Variants in SKIC3 observed in about 807,000 individuals in gnomAD.
SKIC3 encodes the protein superkiller complex protein 3.
At chr5:95,493,028 T>G in the SKIC3 span, among the ~76,000 whole-genome samples, 16 of 152,306 alleles carry the variant, frequency 1.1e-4, no homozygotes, top group East Asian at 3.1e-3. Context: ...AAAGATAACT[T>G]TTAGTATCAC....
the SKIC3 span, among the ~76,000 whole-genome samples, chr5:95,540,307 A>G: frequency 6.6e-6 from 1 of 152,232 alleles, no homozygotes; most frequent in African/African-American, 2.4e-5. Flanking sequence ...GACTTCGGGG[A>G]CTTGGGGGAA....
At chr5:95,517,309 G>A in the SKIC3 span, 4 of 1,612,864 alleles carry the variant, frequency 2.5e-6, no homozygotes, top group Non-Finnish European at 3.4e-6. Context: ...ACATCAGCTC[G>A]ATGCTGTAGA....
chr5:95,546,170 A>G, the SKIC3 span, among the ~76,000 whole-genome samples: 1 of 151,872 alleles, frequency 6.6e-6, no homozygotes, highest in African/African-American at 2.4e-5. Context: ...CTCCATCCAT[A>G]CTTGAACCCC....
chr5:95,541,775 A>G, the SKIC3 span: 5 of 1,408,980 alleles, frequency 3.5e-6, no homozygotes, highest in Non-Finnish European at 4.0e-6. Context: ...TTAAAATTCA[A>G]GCTTTGAAAG....
the SKIC3 span, chr5:95,524,442 T>C: frequency 6.2e-7 from 1 of 1,612,022 alleles, no homozygotes. Context: ...CAACTAGGAA[T>C]TGAATTGTAG....
At chr5:95,520,003 T>C in the SKIC3 span, among the ~76,000 whole-genome samples, 1 of 151,938 alleles carries the variant, frequency 6.6e-6, no homozygotes, top group Non-Finnish European at 1.5e-5. Flanking sequence ...GAAAAGCAAT[T>C]CTGGAACAAC....
the SKIC3 span, among the ~76,000 whole-genome samples, chr5:95,511,466 T>C: frequency 6.6e-6 from 1 of 152,158 alleles, no homozygotes; most frequent in African/African-American, 2.4e-5. Flanking sequence ...TGCCTTCACA[T>C]GCCACACCCA....
At chr5:95,487,681 G>T in the SKIC3 span, among the ~76,000 whole-genome samples, 24 of 152,098 alleles carry the variant, frequency 1.6e-4, no homozygotes, top group Non-Finnish European at 1.5e-4. Context: ...ACATCTTCAG[G>T]AAAAAGTGCT....
At chr5:95,512,607 T>C in the SKIC3 span, 1 of 1,614,016 alleles carries the variant, frequency 6.2e-7, no homozygotes, top group Non-Finnish European at 8.5e-7. Flanking sequence ...CATAACCTAA[T>C]GCTCCTTCAG....
At chr5:95,469,836 A>G in the SKIC3 span, 7 of 1,614,214 alleles carry the variant, frequency 4.3e-6, no homozygotes, top group South Asian at 7.7e-5. Flanking sequence ...CAGCCAGTGG[A>G]CAAAAGCAAA....
the SKIC3 span, chr5:95,523,646 T>C: frequency 1.2e-6 from 2 of 1,612,984 alleles, no homozygotes; most frequent in South Asian, 1.1e-5. Context: ...AAGTGATTAT[T>C]AGACATACCA....
At chr5:95,517,065 G>C in the SKIC3 span, 9 of 1,613,472 alleles carry the variant, frequency 5.6e-6, no homozygotes, top group Non-Finnish European at 7.6e-6. Flanking sequence ...TAACACCTAC[G>C]GGAATATAAA....
chr5:95,516,656 G>T, the SKIC3 span: 1 of 1,613,118 alleles, frequency 6.2e-7, no homozygotes, highest in East Asian at 2.2e-5. Flanking sequence ...ATATTGAAGT[G>T]TTACTCAATT....
At chr5:95,523,071 A>G in the SKIC3 span, 1 of 1,257,734 alleles carries the variant, frequency 8.0e-7, no homozygotes, top group East Asian at 2.4e-5. Context: ...AACAATAAAC[A>G]CCAATCAATC....
the SKIC3 span, among the ~76,000 whole-genome samples, chr5:95,529,766 TCCTC>T: frequency 8.2e-3 from 1,232 of 151,082 alleles, 18 homozygotes; most frequent in African/African-American, 0.026. Context: ...ATGTCTGCCT[TCCTC>T]CCTCCCTCCC....
At chr5:95,497,802 A>C in the SKIC3 span, among the ~76,000 whole-genome samples, 2 of 152,180 alleles carry the variant, frequency 1.3e-5, no homozygotes, top group African/African-American at 4.8e-5. Flanking sequence ...AGGATAAGTA[A>C]TACTGCATGG....
At chr5:95,512,958 G>T in the SKIC3 span, 1 of 290,158 alleles carries the variant, frequency 3.4e-6, no homozygotes, top group Non-Finnish European at 6.5e-6. Context: ...AAATAATCTA[G>T]AAATGTCTAC....
chr5:95,503,523 T>C, the SKIC3 span, among the ~76,000 whole-genome samples: 1 of 152,236 alleles, frequency 6.6e-6, no homozygotes, highest in African/African-American at 2.4e-5. Context: ...TAAACATTTG[T>C]TTTCAAATGC....
the SKIC3 span, among the ~76,000 whole-genome samples, chr5:95,540,151 A>G: frequency 6.6e-6 from 1 of 152,224 alleles, no homozygotes; most frequent in Non-Finnish European, 1.5e-5. Flanking sequence ...CCTGGATGGA[A>G]CTGGAGACTA....
Sources: gnomAD v4.1 joint callset for allele counts (sites outside exome capture counted in the v4.1 genomes callset) on GRCh38, gnomAD v4.1.1 for gene constraint, MANE v1.5 for transcripts, NCBI Gene and HGNC (gene_info 2026-07-23, HGNC 2026-07-21) for gene names.